BTBD9: variants seen among roughly 807,000 people sequenced by gnomAD.
BTBD9 encodes the protein BTB/POZ domain-containing protein 9.
A neutral mutation model predicts 64.3 loss-of-function variants in BTBD9; 49 were observed. That is an observed-to-expected ratio of 0.76 (90% CI 0.61 to 0.97). The LOEUF is 0.97. Among genes scored for constraint, BTBD9 ranks in the 50% least tolerant of loss-of-function variants. BTBD9 has a pLI of 0.00. For missense variants in BTBD9, 598 were observed against 762.1 expected, an observed-to-expected ratio of 0.78 and a Z score of 2.53; for synonymous variants, 260 against 274.7, an observed-to-expected ratio of 0.95 and a Z score of 0.53.
intron 8 of BTBD9, among the ~76,000 whole-genome samples, chr6:38,277,101 A>G (rs1041948998): frequency 2.0e-5 from 3 of 152,202 alleles, no homozygotes; most frequent in African/African-American, 7.2e-5. Context: ...ATCAGGAGGT[A>G]CTAGTAATCT....
At chr6:38,302,318 T>C (rs1042065372) in intron 7 of BTBD9, among the ~76,000 whole-genome samples, 2 of 151,844 alleles carry the variant, frequency 1.3e-5, no homozygotes, top group Non-Finnish European at 1.5e-5. Flanking sequence ...TCTACTCTCA[T>C]AGCTATGAGA....
At chr6:38,563,968 G>C (rs572462805) in intron 6 of BTBD9, among the ~76,000 whole-genome samples, 2 of 151,616 alleles carry the variant, frequency 1.3e-5, no homozygotes, top group South Asian at 4.2e-4. Flanking sequence ...ATTTTTAGTA[G>C]AGACGGGGTT....
At chr6:38,455,652 C>A (rs539678577) in intron 6 of BTBD9, among the ~76,000 whole-genome samples, 1 of 152,136 alleles carries the variant, frequency 6.6e-6, no homozygotes, top group Non-Finnish European at 1.5e-5. Flanking sequence ...AGATTTTTCA[C>A]CCATTTATGG....
intron 6 of BTBD9, among the ~76,000 whole-genome samples, chr6:38,374,532 T>C (rs1765605825): frequency 6.6e-6 from 1 of 151,322 alleles, no homozygotes; most frequent in African/African-American, 2.4e-5. Context: ...GGATTAAGGG[T>C]GTGAGCCACT....
At chr6:38,339,233 T>C (rs1178564490) in intron 7 of BTBD9, among the ~76,000 whole-genome samples, 2 of 152,246 alleles carry the variant, frequency 1.3e-5, no homozygotes, top group African/African-American at 2.4e-5. Context: ...GAAAACTGTT[T>C]ATTTAACATC....
Position 38,168,832 on chromosome 6 carries a change from A to AGC in BTBD9, c.*6151_*6152dup, listed in dbSNP as rs1440387766. ...CTTCGCAAAAGCAGCTCTTGGGCCG[A>AGC]GCTCCAGGCCTAGCCCTGAGGACCC... On this transcript the variant is annotated 3_prime_UTR_variant, in exon 11 of 11. Coordinates refer to ENST00000481247, the MANE Select transcript of BTBD9 (RefSeq NM_001099272.2). 1 of 152,230 alleles carries AGC rather than the reference A, an allele frequency of 6.6e-6. No homozygotes were observed. Among genetic ancestry groups the AGC allele is most frequent in the Non-Finnish European group, 1.5e-5 (1 of 68,048 alleles). 9.4% of individuals were successfully genotyped at this position (152,230 alleles called of 1,614,324 possible).
At chr6:38,459,546 T>C (rs1769978252) in intron 6 of BTBD9, among the ~76,000 whole-genome samples, 1 of 152,210 alleles carries the variant, frequency 6.6e-6, no homozygotes, top group Non-Finnish European at 1.5e-5. Flanking sequence ...TTCCAGATAG[T>C]ACAGCTATAA....
intron 4 of BTBD9, among the ~76,000 whole-genome samples, chr6:38,587,144 G>A (rs1462440651): frequency 6.6e-6 from 1 of 151,988 alleles, no homozygotes; most frequent in Non-Finnish European, 1.5e-5. Flanking sequence ...GCCTACAAGT[G>A]AGGTGCAGTG....
intron 1 of BTBD9, among the ~76,000 whole-genome samples, chr6:38,634,102 A>G (rs1254105915): frequency 2.0e-5 from 3 of 152,240 alleles, no homozygotes; most frequent in African/African-American, 7.2e-5. Flanking sequence ...GATAAATGAG[A>G]GAGAACAAGC....
intron 10 of BTBD9, among the ~76,000 whole-genome samples, chr6:38,176,946 AC>A (rs747903163): frequency 1.3e-5 from 2 of 151,370 alleles, no homozygotes; most frequent in South Asian, 4.2e-4. Flanking sequence ...GGTCCTCAAC[AC>A]CCCCCCCACT....
At chr6:38,617,877 G>GT (rs1470537745) in intron 1 of BTBD9, among the ~76,000 whole-genome samples, 7 of 152,070 alleles carry the variant, frequency 4.6e-5, no homozygotes, top group Non-Finnish European at 8.8e-5. Flanking sequence ...GAATGCATCC[G>GT]TAAGGGCTAC....
chr6:38,517,671 C>A (rs1363115923), intron 6 of BTBD9, among the ~76,000 whole-genome samples: 2 of 152,160 alleles, frequency 1.3e-5, no homozygotes, highest in South Asian at 2.1e-4. Flanking sequence ...AATTCTCCCC[C>A]TTCTTTCTCT....
intron 1 of BTBD9, among the ~76,000 whole-genome samples, chr6:38,620,892 G>A (rs545927472): frequency 3.3e-5 from 5 of 152,228 alleles, no homozygotes; most frequent in South Asian, 2.1e-4. Context: ...GAAAGGGAAC[G>A]AGAGGCAGAA....
At chr6:38,193,394 C>A (rs1452489671) in intron 9 of BTBD9, among the ~76,000 whole-genome samples, 1 of 152,168 alleles carries the variant, frequency 6.6e-6, no homozygotes, top group African/African-American at 2.4e-5. Context: ...GGCCTCTACC[C>A]CCTTCTTTCC....
At chr6:38,307,782 A>G (rs2127568599) in intron 7 of BTBD9, among the ~76,000 whole-genome samples, 1 of 152,326 alleles carries the variant, frequency 6.6e-6, no homozygotes, top group East Asian at 1.9e-4. Context: ...CAGTGATAAG[A>G]AGAGGTTAAA....
intron 2 of BTBD9, 120 bp from the exon 3 acceptor site, chr6:38,594,447 AGTG>A: frequency 1.6e-6 from 2 of 1,264,026 alleles, no homozygotes; most frequent in Non-Finnish European, 2.1e-6. Context: ...CAAAGATCCA[AGTG>A]AAAAAATGCA....
At chr6:38,546,109 G>A (rs780388326) in intron 6 of BTBD9, among the ~76,000 whole-genome samples, 1 of 152,138 alleles carries the variant, frequency 6.6e-6, no homozygotes, top group Non-Finnish European at 1.5e-5. Context: ...TGGTACATGA[G>A]AAAAAGGGAT....
intron 6 of BTBD9, among the ~76,000 whole-genome samples, chr6:38,429,428 C>T (rs1768337922): frequency 6.9e-6 from 1 of 144,582 alleles, no homozygotes; most frequent in African/African-American, 2.5e-5. Context: ...GCACTCCAGC[C>T]TGGGTGACAA....
intron 9 of BTBD9, among the ~76,000 whole-genome samples, chr6:38,238,473 T>G (rs920938656): frequency 1.4e-5 from 2 of 144,892 alleles, no homozygotes; most frequent in African/African-American, 2.6e-5. Context: ...GACCAAGGTT[T>G]TTTGTTTTTT....
Sources: allele counts gnomAD v4.1 joint callset (sites outside exome capture counted in the v4.1 genomes callset), GRCh38; gene constraint gnomAD v4.1.1; transcripts MANE v1.5; gene names NCBI Gene and HGNC (gene_info 2026-07-23, HGNC 2026-07-21).